The following KRT17 variants were observed in gnomAD, a reference collection of about 807,000 sequenced individuals.
KRT17 encodes keratin, type I cytoskeletal 17.
In KRT17, 29 loss-of-function variants were observed where a neutral mutation model predicts 45.6. The observed-to-expected ratio is 0.64, with a 90% CI of 0.47 to 0.87. The LOEUF (loss-of-function observed/expected upper bound fraction) is 0.87, where lower values mean the gene tolerates loss of function less well. KRT17 is among the 40% of genes least tolerant of loss of function. KRT17 has a pLI of 0.00. For missense variants in KRT17, 536 were observed against 577.8 expected (o/e 0.93, Z 0.74); for synonymous variants, 219 against 234.6 (o/e 0.93, Z 0.61).
At chr17:41,624,056 C>G (rs1213820334) in intron 1 of KRT17, 22 bp downstream of exon 1, 3 of 1,611,998 alleles carry the variant, frequency 1.9e-6, no homozygotes, top group Non-Finnish European at 2.5e-6. Context: ...CCCCGGAGAC[C>G]CCTCCCACCA....
rs377273585 is a variant in KRT17 at position 41,619,548 on chromosome 17, G to A, written c.*46C>T. The A allele has an allele frequency of 2.7e-5, 43 of 1,611,628 alleles. No homozygotes were observed. The highest frequency in any genetic ancestry group is 8.3e-5 in the Admixed American group (5 of 60,010). On this transcript the variant is annotated 3_prime_UTR_variant, in exon 8 of 8. Transcript: ENST00000311208. ...CCGGAGACTGTGGGGCAGATGGGGC[G>A]GCTGCCTCCCTGCCTCCTGGGTGGC... is the stretch of plus-strand genomic sequence containing the variant.
At position 41,621,578 on chromosome 17, in the gene KRT17, T is replaced by C; in HGVS notation, c.834+15A>G. 6.2e-7 allele frequency: 1 copy of C among 1,611,980 alleles called. No homozygotes were observed. Among genetic ancestry groups the C allele is most frequent in the Non-Finnish European group, 8.5e-7 (1 of 1,179,824 alleles). ...CAGCCCCTAAGAGAGCCCTCTGGCC[T>C]GCAGCACCCCCCACCTTGCTGAAGA... On this transcript the variant is annotated intron_variant, in intron 4 of 7. Coordinates refer to ENST00000311208, the MANE Select transcript of KRT17 (RefSeq NM_000422.3).
rs150040983 is a variant in KRT17 at position 41,619,984 on chromosome 17, C to G, written c.1205-296G>C. ...GGAGCCATGTAGACTCCATGAAATC[C>G]GTCTCCATTTCTCTGCAGTCTCTAG... is the stretch of plus-strand genomic sequence containing the variant. On this transcript the variant is annotated intron_variant, in intron 7 of 7. Transcript: ENST00000311208. 1.7e-3 allele frequency: 1,707 copies of G among 985,366 alleles called. 32 individuals carry two copies. The African/African-American group carries it at 0.028, about 16-fold the overall frequency. 61.0% of individuals were successfully genotyped at this position (985,366 alleles called of 1,614,324 possible).
chr17:41,622,110 G>A lies in KRT17; in HGVS notation c.672+245C>T. 6.5e-6 allele frequency: 4 copies of A among 613,388 alleles called. No individual in the cohort carries two copies. In the South Asian group the frequency reaches 7.9e-5, roughly 12 times the overall value. The allele number at this position is 613,388 out of a possible 1,614,324, so 38.0% of individuals were successfully genotyped here. A position where few individuals can be genotyped will look rare whatever the true frequency, so the allele number is the denominator to read the frequency against. ...CACCCTCATGAGGGAGGCAGGGTAG[G>A]TAGAGGGAGCCTCTGCAGGCCCCTG... On this transcript the variant is annotated intron_variant, in intron 3 of 7. Transcript: ENST00000311208.
chr17:41,620,486 G>A, intron 7 of KRT17, 50 bp downstream of exon 7: 1 of 1,611,800 alleles, frequency 6.2e-7, no homozygotes, highest in Non-Finnish European at 8.5e-7. Flanking sequence ...CAGGTGGGCT[G>A]CCTGTCCCAT....
chr17:41,621,348 G>T (rs147889182), intron 4 of KRT17, among the ~76,000 whole-genome samples: 2,307 of 152,338 alleles, frequency 0.015, 43 homozygotes, highest in African/African-American at 0.043. Context: ...TGAGGGAGAC[G>T]TGGGGACTCC....
chr17:41,619,647 G>A lies in KRT17; in HGVS notation c.1246C>T (p.Gln416Ter), dbSNP rs1358765445. 1 of 1,612,094 alleles carries A rather than the reference G, an allele frequency of 6.2e-7. No homozygotes were observed. The highest frequency in any genetic ancestry group is 1.3e-5 in the African/African-American group (1 of 74,866). The change falls in exon 8 of 8, where the codon CAG becomes TAG. Residue 416 changes from glutamine to a stop codon, truncating the protein, a stop_gained. Transcript: ENST00000311208. LOFTEE classifies it high-confidence loss of function. ...RQVRTIVEEV[Q>*]DGKVISSREQ... ...CGGGAGGAGATGACCTTGCCATCCT[G>A]GACCTCTTCCACAATGGTACGCACC...
intron 3 of KRT17, 80 bp downstream of exon 3, chr17:41,622,275 A>G: frequency 1.3e-6 from 2 of 1,575,322 alleles, no homozygotes; most frequent in Non-Finnish European, 1.7e-6. Flanking sequence ...GCTCTCTCCC[A>G]CGGCCTCAGC....
chr17:41,623,504 G>T (rs959836819), intron 1 of KRT17, among the ~76,000 whole-genome samples: 2 of 152,134 alleles, frequency 1.3e-5, no homozygotes, highest in African/African-American at 4.8e-5. Flanking sequence ...AACCCTGGGC[G>T]CCAGCCAGCA....
In KRT17 at chr17:41,619,669, C is replaced by T. The variant is rs1908470918; in HGVS notation, c.1224G>A (p.Val408=). 8 of 1,612,202 alleles carry T rather than the reference C, an allele frequency of 5.0e-6. No homozygotes were observed. The highest frequency in any genetic ancestry group is 6.8e-6 in the Non-Finnish European group (8 of 1,180,006). The change falls in exon 8 of 8, where the codon GTG becomes GTA. Residue 408 remains valine (V), a synonymous_variant. Transcript: ENST00000311208. ...CCTGGACCTCTTCCACAATGGTACG[C>T]ACCTGACGGGTGGTCACCGCTGCAG... ...YKKEPVTTRQ[V]RTIVEEVQDG...
chr17:41,623,110 G>A (rs1908603383), intron 1 of KRT17, 78 bp from the exon 2 acceptor site: 1 of 1,063,308 alleles, frequency 9.4e-7, no homozygotes, highest in Non-Finnish European at 1.5e-6. Context: ...AGATCTTCCT[G>A]CCTCAGGGCC....
At chr17:41,622,076 C>T (rs1908560709) in intron 3 of KRT17, 1 of 595,138 alleles carries the variant, frequency 1.7e-6, no homozygotes, top group African/African-American at 1.9e-5. Context: ...GATTTCCTTA[C>T]TTATCCCCCA....
Position 41,622,433 on chromosome 17 carries a change from G to A in KRT17, c.594C>T (p.Thr198=), listed in dbSNP as rs1392026693. 3.7e-6 allele frequency: 6 copies of A among 1,613,970 alleles called. No homozygotes were observed. Among genetic ancestry groups the A allele is most frequent in the African/African-American group, 1.3e-5 (1 of 74,944 alleles). Residue 198 remains threonine, a synonymous_variant, in exon 3 of 8, where the codon ACC becomes ACT. Transcript: ENST00000311208. ...NGLRRVLDEL[T]LARADLEMQI... The stretch of plus-strand genomic sequence containing the variant: ...GCATCTCCAGGTCGGCTCTGGCCAG[G>A]GTCAGCTCATCCAGCACCCTGCGCA...
Position 41,619,680 on chromosome 17 carries a change from T to C in KRT17, c.1213A>G (p.Thr405Ala). ...TCCACAATGGTACGCACCTGACGGG[T>C]GGTCACCGCTGCAGGAGAAGCAGGC... ...LTQYKKEPVT[T>A]RQVRTIVEEV... Residue 405 changes from threonine to alanine, a missense_variant, in exon 8 of 8, where the codon ACC becomes GCC. Thr to Ala is a moderately conservative substitution (Grantham distance 58). Transcript: ENST00000311208. 6.2e-7 allele frequency: 1 copy of C among 1,612,086 alleles called. No homozygotes were observed. The highest frequency in any genetic ancestry group is 8.5e-7 in the Non-Finnish European group (1 of 1,179,976).
rs1420302602 is a variant in KRT17 at position 41,620,295 on chromosome 17, A to G, written c.1204+241T>C. On this transcript the variant is annotated intron_variant, in intron 7 of 7. Transcript: ENST00000311208. ...TCCAGAGCTGGGACCTGTCTCCTCC[A>G]TCAGACTAGGATCTCCAAGGTAAGG... 3 of 985,224 alleles carry G rather than the reference A, an allele frequency of 3.0e-6. No homozygotes were observed. In the African/African-American group the frequency reaches 5.2e-5, roughly 17 times the overall value. 61.0% of individuals were successfully genotyped at this position (985,224 alleles called of 1,614,324 possible).
At chr17:41,622,255 C>T (rs1908567448) in intron 3 of KRT17, 100 bp downstream of exon 3, 1 of 1,483,106 alleles carries the variant, frequency 6.7e-7, no homozygotes, top group Non-Finnish European at 9.4e-7. Context: ...AATCCCGGTG[C>T]ACCTGCTCTG....
chr17:41,620,209 A>T (rs757544773), intron 7 of KRT17: 37 of 985,272 alleles, frequency 3.8e-5, no homozygotes, highest in Admixed American at 6.1e-5. Context: ...TTGCTCATCC[A>T]AAAGCTGTCA....
At position 41,621,044 on chromosome 17, in the gene KRT17, C is replaced by A; in HGVS notation, c.882G>T (p.Gln294His). The A allele has an allele frequency of 1.2e-6, 2 of 1,614,088 alleles. No homozygotes were observed. The highest frequency in any genetic ancestry group is 1.7e-6 in the Non-Finnish European group (2 of 1,179,960). The change falls in exon 5 of 8, where the codon CAG (glutamine) becomes CAT (histidine). Residue 294 changes from glutamine to histidine, a missense_variant. By Grantham distance (24) the Gln-to-His change is conservative. Transcript: ENST00000311208. ...REVATNSELV[Q>H]SGKSEISELR... Reference sequence around the variant, plus strand: ...GCTCCGAGATCTCACTCTTGCCACTCTGCACCAGCTCACTGTTGGTGGCCA... The same window carrying A: ...GCTCCGAGATCTCACTCTTGCCACTATGCACCAGCTCACTGTTGGTGGCCA...
chr17:41,620,426 G>T (rs1908495450), intron 7 of KRT17, 110 bp downstream of exon 7: 2 of 1,608,296 alleles, frequency 1.2e-6, no homozygotes, highest in African/African-American at 2.7e-5. Context: ...CCCTGCTGAG[G>T]GACAGCCATC....
Sources: allele counts gnomAD v4.1 joint callset (sites outside exome capture counted in the v4.1 genomes callset), GRCh38; gene constraint gnomAD v4.1.1; transcripts MANE v1.5; gene names NCBI Gene and HGNC (gene_info 2026-07-23, HGNC 2026-07-21).